MECOM: variants seen among roughly 807,000 people sequenced by gnomAD.
MECOM encodes the protein MDS1 and EVI1 complex locus, also known as histone-lysine N-methyltransferase MECOM.
In MECOM, 13 loss-of-function variants were observed where a neutral mutation model predicts 116.3. The ratio of observed to expected loss-of-function variants is 0.11; its 90% CI spans 0.07 to 0.18. The LOEUF is 0.18. Ranked by LOEUF, MECOM falls within the 10% of genes least tolerant of loss-of-function variation. The probability of loss-of-function intolerance (pLI) is 1.00; values close to 1 mark genes in which losing one functional copy is unlikely to be tolerated. For missense variants in MECOM, 1,299 were observed against 1,509.0 expected, an observed-to-expected ratio of 0.86 and a Z score of 2.31; for synonymous variants, 528 against 535.2, an observed-to-expected ratio of 0.99 and a Z score of 0.19.
At chr3:169,196,748 G>A (rs572274346) in intron 2 of MECOM, among the ~76,000 whole-genome samples, 2 of 152,186 alleles carry the variant, frequency 1.3e-5, no homozygotes, top group African/African-American at 4.8e-5. Flanking sequence ...TGGGAAAGCA[G>A]TGTGGCAATT....
intron 1 of MECOM, chr3:169,565,826 G>C: frequency 2.8e-6 from 1 of 355,078 alleles, no homozygotes; most frequent in South Asian, 2.1e-5. Flanking sequence ...CTCCAACAGG[G>C]GCATATGAGG....
At chr3:169,406,482 C>T (rs1260093213) in intron 1 of MECOM, among the ~76,000 whole-genome samples, 1 of 152,122 alleles carries the variant, frequency 6.6e-6, no homozygotes, top group Non-Finnish European at 1.5e-5. Context: ...CAGCAAAGTC[C>T]TGTCTGCATA....
At chr3:169,137,256 T>C (rs1736639113) in intron 3 of MECOM, among the ~76,000 whole-genome samples, 1 of 152,108 alleles carries the variant, frequency 6.6e-6, no homozygotes, top group African/African-American at 2.4e-5. Flanking sequence ...GACATATCTG[T>C]CAGTCTTGGT....
chr3:169,099,113 G>T, intron 12 of MECOM, among the ~76,000 whole-genome samples: 1 of 100,110 alleles, frequency 1.0e-5, no homozygotes, highest in East Asian at 2.6e-4. Context: ...CTTCTGCAAG[G>T]AAAAAAAAAA....
intron 2 of MECOM, among the ~76,000 whole-genome samples, chr3:169,378,052 C>A (rs1317370163): frequency 1.3e-5 from 2 of 151,878 alleles, no homozygotes; most frequent in Non-Finnish European, 2.9e-5. Flanking sequence ...AACCATCATT[C>A]TCAGCAAGCC....
chr3:169,146,942 A>AG (rs1740114568), intron 2 of MECOM: 14 of 1,024,096 alleles, frequency 1.4e-5, no homozygotes, highest in Non-Finnish European at 1.6e-5. Context: ...GTCCGTCTCT[A>AG]GGATCTGCTC....
At chr3:169,305,614 A>G (rs756230717) in intron 2 of MECOM, among the ~76,000 whole-genome samples, 1 of 152,256 alleles carries the variant, frequency 6.6e-6, no homozygotes, top group African/African-American at 2.4e-5. Flanking sequence ...GTTGACTGTC[A>G]GCACCAAGGC....
chr3:169,101,687 T>C (rs930665880), intron 11 of MECOM, among the ~76,000 whole-genome samples: 6 of 152,214 alleles, frequency 3.9e-5, no homozygotes, highest in African/African-American at 1.4e-4. Flanking sequence ...CTTTAATTAA[T>C]GGCCTTATTC....
intron 2 of MECOM, among the ~76,000 whole-genome samples, chr3:169,261,421 A>G (rs1757517973): frequency 6.6e-6 from 1 of 152,098 alleles, no homozygotes. Context: ...AAGAAGGGAC[A>G]GGCACAGTGG....
intron 2 of MECOM, among the ~76,000 whole-genome samples, chr3:169,157,676 C>G (rs562480737): frequency 4.6e-5 from 7 of 152,238 alleles, no homozygotes; most frequent in Admixed American, 3.3e-4. Context: ...TTAATATAGC[C>G]TGTCTATAGA....
At chr3:169,535,525 A>G (rs980635279) in intron 1 of MECOM, among the ~76,000 whole-genome samples, 1 of 152,128 alleles carries the variant, frequency 6.6e-6, no homozygotes, top group Admixed American at 6.5e-5. Flanking sequence ...AGAGCAAAGC[A>G]CTCAACACAA....
intron 1 of MECOM, among the ~76,000 whole-genome samples, chr3:169,613,202 T>G (rs1405111181): frequency 6.6e-6 from 1 of 152,212 alleles, no homozygotes; most frequent in Non-Finnish European, 1.5e-5. Context: ...TCTCCTTAGA[T>G]AGTGTGCTCT....
intron 2 of MECOM, among the ~76,000 whole-genome samples, chr3:169,285,387 G>C (rs887655742): frequency 1.3e-5 from 2 of 152,182 alleles, no homozygotes; most frequent in African/African-American, 4.8e-5. Context: ...CCCCACCAGA[G>C]CTTTCTGTCC....
intron 1 of MECOM, among the ~76,000 whole-genome samples, chr3:169,655,559 C>G (rs1022487350): frequency 6.6e-6 from 1 of 152,126 alleles, no homozygotes; most frequent in African/African-American, 2.4e-5. Context: ...TTACACATCC[C>G]CCTCACCCCG....
At chr3:169,270,127 C>G (rs1238797898) in intron 2 of MECOM, among the ~76,000 whole-genome samples, 1 of 152,108 alleles carries the variant, frequency 6.6e-6, no homozygotes, top group African/African-American at 2.4e-5. Flanking sequence ...TAGTTATAAA[C>G]TCACTGATCC....
intron 1 of MECOM, among the ~76,000 whole-genome samples, chr3:169,638,804 C>A (rs149997775): frequency 6.6e-6 from 1 of 152,162 alleles, no homozygotes; most frequent in Admixed American, 6.5e-5. Context: ...AGATTCATGC[C>A]GCCTTCCACA....
chr3:169,132,344 G>A (rs1480626669), intron 3 of MECOM, among the ~76,000 whole-genome samples: 1 of 152,196 alleles, frequency 6.6e-6, no homozygotes, highest in African/African-American at 2.4e-5. Context: ...TTTCTCCTGA[G>A]CAGCTTGGTG....
At chr3:169,624,611 T>C (rs1294849373) in intron 1 of MECOM, among the ~76,000 whole-genome samples, 1 of 152,190 alleles carries the variant, frequency 6.6e-6, no homozygotes, top group Non-Finnish European at 1.5e-5. Context: ...GGCTGCTCTG[T>C]CTCAAAGCTG....
At chr3:169,227,673 G>A (rs573474466) in intron 2 of MECOM, among the ~76,000 whole-genome samples, 21 of 152,298 alleles carry the variant, frequency 1.4e-4, no homozygotes, top group African/African-American at 5.1e-4. Context: ...AAATGCGTTG[G>A]AAAGGGGGAA....
Sources: gnomAD v4.1 joint callset for allele counts (sites outside exome capture counted in the v4.1 genomes callset) on GRCh38, gnomAD v4.1.1 for gene constraint, MANE v1.5 for transcripts, NCBI Gene and HGNC (gene_info 2026-07-23, HGNC 2026-07-21) for gene names.